The following CTNND2 variants were observed in gnomAD, a reference collection of about 807,000 sequenced individuals.
CTNND2 encodes the protein catenin delta 2, also known as catenin delta-2.
CTNND2 carries 22 observed loss-of-function variants against 144.4 expected under a neutral mutation model. The observed-to-expected ratio is 0.15, with a 90% CI of 0.11 to 0.22. The LOEUF (loss-of-function observed/expected upper bound fraction) is 0.22, where lower values mean the gene tolerates loss of function less well. CTNND2 is among the 10% of genes least tolerant of loss of function. The pLI is 1.00. For missense variants in CTNND2, 1,353 were observed against 1,618.8 expected, an observed-to-expected ratio of 0.84 and a Z score of 2.82; for synonymous variants, 751 against 695.6, an observed-to-expected ratio of 1.08 and a Z score of -1.25.
At chr5:11,588,980 A>C in intron 2 of CTNND2, 1 of 985,424 alleles carries the variant, frequency 1.0e-6, no homozygotes, top group East Asian at 1.1e-4. Context: ...CAGGACGCTG[A>C]ATTATCCTAT....
intron 3 of CTNND2, among the ~76,000 whole-genome samples, chr5:11,454,611 T>G (rs77592248): frequency 1.3e-5 from 2 of 149,128 alleles, no homozygotes; most frequent in South Asian, 4.2e-4. Context: ...TTTTTTTTTT[T>G]GTTGAGACAG....
chr5:11,248,174 G>GAAA (rs1296860633), intron 9 of CTNND2, among the ~76,000 whole-genome samples: 1 of 152,116 alleles, frequency 6.6e-6, no homozygotes, highest in African/African-American at 2.4e-5. Flanking sequence ...AGAGGGAAGG[G>GAAA]ATTTGATGCC....
At chr5:11,308,201 A>G (rs1750452844) in intron 9 of CTNND2, among the ~76,000 whole-genome samples, 1 of 151,550 alleles carries the variant, frequency 6.6e-6, no homozygotes, top group African/African-American at 2.4e-5. Context: ...AAGTATGGTC[A>G]GCCTCTGCTT....
At chr5:11,845,108 G>A (rs974379792) in intron 1 of CTNND2, among the ~76,000 whole-genome samples, 1 of 152,148 alleles carries the variant, frequency 6.6e-6, no homozygotes, top group Non-Finnish European at 1.5e-5. Context: ...CAGCTTCAAC[G>A]TGGAAATCAG....
At chr5:11,074,379 A>G (rs1273929385) in intron 16 of CTNND2, among the ~76,000 whole-genome samples, 1 of 152,146 alleles carries the variant, frequency 6.6e-6, no homozygotes, top group East Asian at 1.9e-4. Flanking sequence ...CATGGAGAGG[A>G]TACTGACTCA....
intron 1 of CTNND2, among the ~76,000 whole-genome samples, chr5:11,806,214 T>C (rs1251340806): frequency 6.6e-6 from 1 of 152,094 alleles, no homozygotes; most frequent in East Asian, 1.9e-4. Context: ...ACATGTGACA[T>C]AGTAATGTAA....
At chr5:11,095,493 C>T (rs1658243933) in intron 15 of CTNND2, among the ~76,000 whole-genome samples, 1 of 152,172 alleles carries the variant, frequency 6.6e-6, no homozygotes, top group African/African-American at 2.4e-5. Flanking sequence ...GAAAACACTG[C>T]AACCCTCAAG....
chr5:11,433,465 G>A (rs1478556400), intron 3 of CTNND2, among the ~76,000 whole-genome samples: 2 of 152,112 alleles, frequency 1.3e-5, no homozygotes, highest in African/African-American at 2.4e-5. Flanking sequence ...AATACCCGAG[G>A]CTGGGTAATT....
chr5:11,792,034 G>T (rs2126870049), intron 1 of CTNND2, among the ~76,000 whole-genome samples: 1 of 152,272 alleles, frequency 6.6e-6, no homozygotes, highest in Non-Finnish European at 1.5e-5. Context: ...TGCTGTCCAA[G>T]TCATATGATG....
intron 12 of CTNND2, among the ~76,000 whole-genome samples, chr5:11,132,748 C>G (rs1172737991): frequency 2.0e-5 from 3 of 152,166 alleles, no homozygotes; most frequent in African/African-American, 7.2e-5. Flanking sequence ...AAAGGAGACT[C>G]CAAGAGCTCT....
rs147839369 is a variant in CTNND2, at chr5:11,475,772, A to C, written c.288-63703T>G. ...TTATGTCCTATATTCACATAAAGAA[A>C]TGAAATAGAAGACTTCATGTTGGTA... On this transcript the variant is annotated intron_variant, in intron 3 of 21. Transcript: ENST00000304623. Among the ~76,000 whole-genome samples, 1,077 of 152,310 alleles carry C rather than the reference A, an allele frequency of 7.1e-3. 15 individuals carry two copies. The highest frequency in any genetic ancestry group is 0.024 in the African/African-American group (981 of 41,564).
intron 16 of CTNND2, among the ~76,000 whole-genome samples, chr5:11,046,605 C>A (rs1745286908): frequency 6.6e-6 from 1 of 152,256 alleles, no homozygotes; most frequent in South Asian, 2.1e-4. Flanking sequence ...CTTTATTTGA[C>A]AAATAATCAT....
intron 18 of CTNND2, among the ~76,000 whole-genome samples, chr5:10,992,969 C>T (rs1053398972): frequency 2.0e-5 from 3 of 152,268 alleles, no homozygotes; most frequent in East Asian, 3.9e-4. Context: ...GATGAAAATA[C>T]GATGCTCAGA....
At chr5:11,496,255 A>C (rs1325384524) in intron 3 of CTNND2, among the ~76,000 whole-genome samples, 2 of 152,192 alleles carry the variant, frequency 1.3e-5, no homozygotes, top group Non-Finnish European at 2.9e-5. Flanking sequence ...TTGACCTCAG[A>C]ACAGTCAGGA....
intron 8 of CTNND2, among the ~76,000 whole-genome samples, chr5:11,356,129 A>G (rs999407494): frequency 6.6e-6 from 1 of 152,124 alleles, no homozygotes; most frequent in Admixed American, 6.5e-5. Flanking sequence ...ACACAAAGTG[A>G]TCTACAGATT....
At chr5:11,233,466 G>C (rs1741269080) in intron 10 of CTNND2, among the ~76,000 whole-genome samples, 1 of 152,142 alleles carries the variant, frequency 6.6e-6, no homozygotes, top group Admixed American at 6.5e-5. Context: ...ATGAAATGTA[G>C]ACTGAAGGGC....
chr5:10,994,313 A>C, intron 18 of CTNND2, among the ~76,000 whole-genome samples: 1 of 29,408 alleles, frequency 3.4e-5, no homozygotes, highest in East Asian at 1.4e-3. Flanking sequence ...GGACGGAGGA[A>C]GGGGGCGGGG....
At chr5:11,818,004 T>TTTTTTTTTTTTTTTTTTTTTTTTTTTTC (rs1554126308) in intron 1 of CTNND2, among the ~76,000 whole-genome samples, 1 of 93,256 alleles carries the variant, frequency 1.1e-5, no homozygotes, top group African/African-American at 3.7e-5. Context: ...TTTTTTTTTT[T>TTTTTTTTTTTTTTTTTTTTTTTTTTTTC]CAGTTCTCCT....
At chr5:11,418,102 T>A (rs985482191) in intron 3 of CTNND2, among the ~76,000 whole-genome samples, 24 of 151,984 alleles carry the variant, frequency 1.6e-4, no homozygotes, top group Admixed American at 3.3e-4. Context: ...GGGTAAGATA[T>A]CGGTTTGAAA....
Sources: gnomAD v4.1 joint callset for allele counts (sites outside exome capture counted in the v4.1 genomes callset) on GRCh38, gnomAD v4.1.1 for gene constraint, MANE v1.5 for transcripts, NCBI Gene and HGNC (gene_info 2026-07-23, HGNC 2026-07-21) for gene names.